USH2A: variants seen among roughly 807,000 people sequenced by gnomAD.
The protein encoded by USH2A is usherin.
A neutral mutation model predicts 538.9 loss-of-function variants in USH2A; 443 were observed. The ratio of observed to expected loss-of-function variants is 0.82; its 90% CI spans 0.76 to 0.89. The LOEUF is 0.89. Ranked by LOEUF, USH2A falls within the 40% of genes least tolerant of loss-of-function variation. The probability of loss-of-function intolerance (pLI) is 0.00; values close to 1 mark genes in which losing one functional copy is unlikely to be tolerated. For synonymous variants in USH2A, 2,413 were observed against 2,273.5 expected, an observed-to-expected ratio of 1.06 and a Z score of -1.75; for missense variants, 6,633 against 6,324.8, an observed-to-expected ratio of 1.05 and a Z score of -1.65.
chr1:215,736,766 C>T (rs1034818821), intron 60 of USH2A, among the ~76,000 whole-genome samples: 2 of 151,810 alleles, frequency 1.3e-5, no homozygotes, highest in Admixed American at 6.6e-5. Flanking sequence ...TTATAATCAT[C>T]AAAACTTGAA....
chr1:216,022,839 C>G (rs569859279), intron 32 of USH2A, among the ~76,000 whole-genome samples: 1 of 152,264 alleles, frequency 6.6e-6, no homozygotes, highest in Non-Finnish European at 1.5e-5. Flanking sequence ...CCTGGCACAG[C>G]AGTGGGAGAG....
At chr1:216,009,939 A>G (rs1251052396) in intron 32 of USH2A, among the ~76,000 whole-genome samples, 1 of 152,172 alleles carries the variant, frequency 6.6e-6, no homozygotes. Context: ...AAATATAAAA[A>G]TCCAGCCCAG....
intron 21 of USH2A, among the ~76,000 whole-genome samples, chr1:216,114,144 A>G (rs545239096): frequency 6.6e-6 from 1 of 151,966 alleles, no homozygotes; most frequent in Admixed American, 6.5e-5. Flanking sequence ...TATATATTTA[A>G]TTGATATTAA....
intron 16 of USH2A, chr1:216,204,006 C>T (rs2035055545): frequency 1.2e-5 from 2 of 163,986 alleles, no homozygotes; most frequent in African/African-American, 4.8e-5. Context: ...TGATTTTTCT[C>T]TCTTCTAATT....
At chr1:216,147,360 C>A (rs1376689348) in intron 21 of USH2A, among the ~76,000 whole-genome samples, 4 of 152,136 alleles carry the variant, frequency 2.6e-5, no homozygotes, top group Non-Finnish European at 4.4e-5. Flanking sequence ...CCTCCCCCAC[C>A]TGCCCAGCAA....
chr1:215,999,517 G>C (rs1339639871), intron 33 of USH2A, among the ~76,000 whole-genome samples: 1 of 152,172 alleles, frequency 6.6e-6, no homozygotes, highest in African/African-American at 2.4e-5. Flanking sequence ...CTTGAATGAA[G>C]TGACACACTA....
chr1:215,746,030 G>A (rs1025476744), intron 58 of USH2A, among the ~76,000 whole-genome samples: 4 of 151,970 alleles, frequency 2.6e-5, no homozygotes, highest in African/African-American at 9.7e-5. Flanking sequence ...TCAAAGACAG[G>A]AACAAACATA....
intron 4 of USH2A, among the ~76,000 whole-genome samples, chr1:216,359,121 C>G (rs573080295): frequency 6.6e-6 from 1 of 152,170 alleles, no homozygotes; most frequent in South Asian, 2.1e-4. Flanking sequence ...AAACCAAGTT[C>G]CTAAATATAT....
rs2035626232 is a variant in USH2A, at chr1:216,229,184, AC to A, written c.2993+2768del. Among the ~76,000 whole-genome samples the A allele has an allele frequency of 2.6e-5, 4 of 151,626 alleles. No homozygotes were observed. The South Asian group carries it at 8.3e-4, about 32-fold the overall frequency. On this transcript the variant is annotated intron_variant, in intron 14 of 71. Transcript: ENST00000307340. ...GTGTGAGACTCTGTCCAAAAAAAAAACCCCACACTTAATCTGAATCATTCAT... is the reference window on the plus strand; with the variant it reads ...GTGTGAGACTCTGTCCAAAAAAAAAACCCACACTTAATCTGAATCATTCAT...
chr1:216,272,509 C>T (rs12091266), intron 11 of USH2A, among the ~76,000 whole-genome samples: 4,110 of 152,068 alleles, frequency 0.027, 177 homozygotes, highest in African/African-American at 0.09. Flanking sequence ...TTCTTTTCTT[C>T]TACTAATTTT....
At chr1:215,715,338 C>T (rs1316323950) in intron 61 of USH2A, among the ~76,000 whole-genome samples, 1 of 152,130 alleles carries the variant, frequency 6.6e-6, no homozygotes, top group African/African-American at 2.4e-5. Context: ...TAACTGTTTT[C>T]CCCAAAAACA....
chr1:215,969,170 T>C (rs1667430485), intron 36 of USH2A, among the ~76,000 whole-genome samples: 1 of 152,166 alleles, frequency 6.6e-6, no homozygotes, highest in African/African-American at 2.4e-5. Context: ...TCCCAGTGAT[T>C]AGAGATGGAT....
At chr1:216,006,165 T>C (rs1205804640) in intron 32 of USH2A, among the ~76,000 whole-genome samples, 1 of 152,196 alleles carries the variant, frequency 6.6e-6, no homozygotes, top group Non-Finnish European at 1.5e-5. Flanking sequence ...TCACCTCTAC[T>C]TCATTTATTC....
In USH2A at chr1:215,675,086, A is replaced by T; in HGVS notation, c.12825T>A (p.Ser4275=). The T allele has an allele frequency of 6.2e-7, 1 of 1,614,194 alleles. No homozygotes were observed. The highest frequency in any genetic ancestry group is 8.5e-7 in the Non-Finnish European group (1 of 1,180,032). ...GLSPPVISYV[S]MNPQKLLISW... is the part of the protein sequence containing the mutation. ...AAATCAGCAGTTTTTGGGGATTCAT[A>T]GAAACATAGGATATCACAGGTGGAG... Residue 4275 remains serine, a synonymous_variant, in exon 63 of 72, where the codon TCT becomes TCA. Transcript: ENST00000307340.
At chr1:215,756,674 C>T (rs1660801821) in intron 58 of USH2A, among the ~76,000 whole-genome samples, 2 of 152,092 alleles carry the variant, frequency 1.3e-5, no homozygotes, top group Admixed American at 1.3e-4. Flanking sequence ...GCCCGTAATC[C>T]CAGCACTTTG....
At chr1:216,400,608 A>G (rs768637710) in intron 3 of USH2A, among the ~76,000 whole-genome samples, 2 of 152,144 alleles carry the variant, frequency 1.3e-5, no homozygotes, top group Non-Finnish European at 2.9e-5. Context: ...ACAATAGGAT[A>G]AAACCAAGGA....
intron 15 of USH2A, among the ~76,000 whole-genome samples, chr1:216,213,154 C>G (rs534186957): frequency 6.6e-6 from 1 of 152,064 alleles, no homozygotes; most frequent in Admixed American, 6.6e-5. Context: ...TTATTCATTG[C>G]TGGCTTATAG....
intron 9 of USH2A, among the ~76,000 whole-genome samples, chr1:216,312,078 T>C (rs1431478184): frequency 6.6e-6 from 1 of 152,136 alleles, no homozygotes; most frequent in Non-Finnish European, 1.5e-5. Context: ...TTAACATTCT[T>C]GCAAGGCAAG....
At chr1:215,858,407 G>A (rs1051898177) in intron 44 of USH2A, among the ~76,000 whole-genome samples, 4 of 151,034 alleles carry the variant, frequency 2.6e-5, no homozygotes, top group African/African-American at 9.8e-5. Context: ...TTTCCCCCAC[G>A]CTGTTCTCAT....
Sources: allele counts gnomAD v4.1 joint callset (sites outside exome capture counted in the v4.1 genomes callset), GRCh38; gene constraint gnomAD v4.1.1; transcripts MANE v1.5; gene names NCBI Gene and HGNC (gene_info 2026-07-23, HGNC 2026-07-21).